The following MSI2 variants were observed in gnomAD, a reference collection of about 807,000 sequenced individuals.
The protein encoded by MSI2 is musashi RNA binding protein 2, also known as RNA-binding protein Musashi homolog 2.
Under a neutral mutation model 45.6 loss-of-function variants are expected in MSI2, and 17 were observed. That is an observed-to-expected ratio of 0.37 (90% CI 0.26 to 0.56). MSI2 has a LOEUF of 0.56. Among genes scored for constraint, MSI2 ranks in the 20% least tolerant of loss-of-function variants. The pLI, the probability that MSI2 is intolerant of heterozygous loss-of-function variation, is 0.77. For missense variants in MSI2, 293 were observed against 444.2 expected (o/e 0.66, Z 3.06); for synonymous variants, 156 against 158.2 (o/e 0.99, Z 0.11).
intron 6 of MSI2, among the ~76,000 whole-genome samples, chr17:57,451,550 C>T (rs568528666): frequency 2.0e-5 from 3 of 152,338 alleles, no homozygotes; most frequent in East Asian, 3.9e-4. Flanking sequence ...GACTCTCCAT[C>T]CTTTTTCTGA....
At chr17:57,613,234 G>A (rs1189683338) in intron 8 of MSI2, among the ~76,000 whole-genome samples, 1 of 152,154 alleles carries the variant, frequency 6.6e-6, no homozygotes, top group Non-Finnish European at 1.5e-5. Flanking sequence ...GACAACTTTA[G>A]TATGTCTTTT....
intron 6 of MSI2, among the ~76,000 whole-genome samples, chr17:57,460,723 A>G (rs2085210139): frequency 6.6e-6 from 1 of 152,104 alleles, no homozygotes; most frequent in Non-Finnish European, 1.5e-5. Flanking sequence ...TGGTGCTAGG[A>G]AACTTGTACT....
chr17:57,375,927 A>C (rs2083488651), intron 5 of MSI2, among the ~76,000 whole-genome samples: 1 of 152,172 alleles, frequency 6.6e-6, no homozygotes, highest in African/African-American at 2.4e-5. Flanking sequence ...ACCGCCCAGG[A>C]GCAGCAGGCT....
At chr17:57,570,631 C>T (rs2087852304) in intron 7 of MSI2, among the ~76,000 whole-genome samples, 1 of 152,204 alleles carries the variant, frequency 6.6e-6, no homozygotes, top group South Asian at 2.1e-4. Context: ...TTATTTCATG[C>T]TCTTGGTGAT....
At chr17:57,483,055 C>A (rs1476175334) in intron 6 of MSI2, among the ~76,000 whole-genome samples, 1 of 152,176 alleles carries the variant, frequency 6.6e-6, no homozygotes, top group Non-Finnish European at 1.5e-5. Context: ...ATATTTGATT[C>A]TACTGACCAT....
At chr17:57,350,225 G>GGTGTGTGT (rs58596259) in intron 5 of MSI2, among the ~76,000 whole-genome samples, 12,136 of 146,532 alleles carry the variant, frequency 0.083, 711 homozygotes, top group African/African-American at 0.17. Flanking sequence ...CAGAGGTAGG[G>GGTGTGTGT]GTGTGTGTGT....
intron 6 of MSI2, among the ~76,000 whole-genome samples, chr17:57,440,967 G>T (rs776447751): frequency 6.6e-6 from 1 of 152,230 alleles, no homozygotes; most frequent in African/African-American, 2.4e-5. Context: ...CATCCCGGGT[G>T]GGAGCTGTAG....
Position 57,584,105 on chromosome 17 carries a change from G to A in MSI2, c.455-12763G>A, listed in dbSNP as rs1285795058. Reference sequence around the variant, plus strand: ...CACCCTAAATAATGAGCTCCAGACTGTGCTGCCCCCTGTCCGCAGTAGCCT... The same window carrying A: ...CACCCTAAATAATGAGCTCCAGACTATGCTGCCCCCTGTCCGCAGTAGCCT... On this transcript the variant is annotated intron_variant, in intron 7 of 13. Transcript: ENST00000284073. Among the ~76,000 whole-genome samples the A allele has an allele frequency of 3.3e-5, 5 of 152,152 alleles. 1 individual carries two copies. In the South Asian group the frequency reaches 1.0e-3, roughly 31 times the overall value.
At chr17:57,661,417 G>A (rs1373382486) in intron 11 of MSI2, among the ~76,000 whole-genome samples, 1 of 152,192 alleles carries the variant, frequency 6.6e-6, no homozygotes, top group Admixed American at 6.5e-5. Flanking sequence ...AGACAGTCAA[G>A]GTTCTGGGAG....
intron 7 of MSI2, among the ~76,000 whole-genome samples, chr17:57,593,613 C>T (rs1905033814): frequency 6.9e-6 from 1 of 144,630 alleles, no homozygotes; most frequent in African/African-American, 2.5e-5. Context: ...AATTAAATTA[C>T]ATTTGCAAAA....
At chr17:57,321,290 T>A (rs1206016011) in intron 5 of MSI2, among the ~76,000 whole-genome samples, 1 of 151,862 alleles carries the variant, frequency 6.6e-6, no homozygotes, top group Non-Finnish European at 1.5e-5. Context: ...GTTGTTACTG[T>A]GCACCACCAA....
Position 57,418,923 on chromosome 17 carries a change from AT to A in MSI2, c.405+17454del, listed in dbSNP as rs761372794. Among the ~76,000 whole-genome samples, 53 of 152,346 alleles carry A rather than the reference AT, an allele frequency of 3.5e-4. 1 individual carries two copies. Among genetic ancestry groups the A allele is most frequent in the South Asian group, 1.4e-3 (7 of 4,834 alleles). On this transcript the variant is annotated intron_variant, in intron 6 of 13. Transcript: ENST00000284073. ...TTGGAAATTTTTATATAAAACCTTT[AT>A]TGAAAATTCAGTTAAACATTCACAC...
chr17:57,361,455 A>T (rs905016643), intron 5 of MSI2, among the ~76,000 whole-genome samples: 5 of 151,842 alleles, frequency 3.3e-5, no homozygotes, highest in Non-Finnish European at 5.9e-5. Context: ...AAAAAAAAAA[A>T]ATTAGCCTGG....
chr17:57,647,972 T>G (rs1043528356), intron 10 of MSI2, among the ~76,000 whole-genome samples: 9 of 149,978 alleles, frequency 6.0e-5, no homozygotes, highest in South Asian at 2.1e-4. Flanking sequence ...TTTGTTTGTT[T>G]GTTTGTTTGA....
Position 57,529,573 on chromosome 17 carries a change from T to C in MSI2, c.406-103T>C. The C allele has an allele frequency of 1.0e-6, 1 of 999,446 alleles. No homozygotes were observed. The highest frequency in any genetic ancestry group is 1.5e-6 in the Non-Finnish European group (1 of 650,988). The allele number at this position is 999,446 out of a possible 1,614,324, so 61.9% of individuals were successfully genotyped here. On this transcript the variant is annotated intron_variant, in intron 6 of 13. Transcript: ENST00000284073. This position sits in a 1 kb window ranked among gnomAD's most constrained non-coding sequence, Gnocchi z 5.3. Reference sequence around the variant, plus strand: ...ATATTTTTTGATAAGCAACTATTACTTCTGTAATGGAAACTACCCCCTCAC... The same window carrying C: ...ATATTTTTTGATAAGCAACTATTACCTCTGTAATGGAAACTACCCCCTCAC...
intron 7 of MSI2, among the ~76,000 whole-genome samples, chr17:57,542,264 T>G (rs1037725846): frequency 6.6e-6 from 1 of 152,212 alleles, no homozygotes; most frequent in African/African-American, 2.4e-5. Context: ...TGTTGCACAA[T>G]AAAGCAGAGA....
In MSI2 at chr17:57,564,319, G is replaced by A. The variant is rs2087674245; in HGVS notation, c.455-32549G>A. On this transcript the variant is annotated intron_variant, in intron 7 of 13. Transcript: ENST00000284073. ...GACTCCTAGGAGCCAGTTAACAATG[G>A]TATGGCCGTGGCTTGCATCCTCTGC... Among the ~76,000 whole-genome samples the A allele has an allele frequency of 2.0e-5, 3 of 152,226 alleles. No individual in the cohort carries two copies. In the South Asian group the frequency reaches 6.2e-4, roughly 31 times the overall value.
chr17:57,609,803 C>G (rs1263652341), intron 8 of MSI2, among the ~76,000 whole-genome samples: 1 of 152,224 alleles, frequency 6.6e-6, no homozygotes, highest in African/African-American at 2.4e-5. Context: ...AGCACCTCCT[C>G]TGAAAGCCAG....
intron 8 of MSI2, among the ~76,000 whole-genome samples, chr17:57,597,337 A>T (rs34153809): frequency 0.031 from 4,719 of 152,182 alleles, 150 homozygotes; most frequent in East Asian, 0.17. Flanking sequence ...ACCACTTAAA[A>T]TGTAAAAACC....
Sources: gnomAD v4.1 joint callset for allele counts (sites outside exome capture counted in the v4.1 genomes callset) on GRCh38, gnomAD v4.1.1 for gene constraint, Gnocchi (gnomAD v3.1) non-coding constraint, MANE v1.5 for transcripts, NCBI Gene and HGNC (gene_info 2026-07-23, HGNC 2026-07-21) for gene names.